ZBBX: variants seen among roughly 807,000 people sequenced by gnomAD.
The protein encoded by ZBBX is zinc finger B-box domain containing, also known as zinc finger B-box domain-containing protein 1.
ZBBX carries 101 observed loss-of-function variants against 108.5 expected under a neutral mutation model. That is an observed-to-expected ratio of 0.93 (90% CI 0.79 to 1.10). The LOEUF (loss-of-function observed/expected upper bound fraction) is 1.10, where lower values mean the gene tolerates loss of function less well. Ranked by LOEUF, ZBBX falls within the 50% of genes least tolerant of loss-of-function variation. The probability of loss-of-function intolerance (pLI) is 0.00; values close to 1 mark genes in which losing one functional copy is unlikely to be tolerated. For missense variants in ZBBX, 1,009 were observed against 941.4 expected, an observed-to-expected ratio of 1.07 and a Z score of -0.94; for synonymous variants, 356 against 323.4, an observed-to-expected ratio of 1.10 and a Z score of -1.08.
intron 1 of ZBBX, among the ~76,000 whole-genome samples, chr3:167,395,676 A>C (rs950192303): frequency 1.3e-5 from 2 of 152,016 alleles, no homozygotes; most frequent in African/African-American, 2.4e-5. Flanking sequence ...ATGCATTCTC[A>C]CTTCCAAGTC....
chr3:167,308,506 T>C (rs1057017650), intron 16 of ZBBX, among the ~76,000 whole-genome samples: 4 of 152,132 alleles, frequency 2.6e-5, no homozygotes, highest in African/African-American at 4.8e-5. Context: ...GATACATGTA[T>C]ATGTATGCTC....
intron 16 of ZBBX, among the ~76,000 whole-genome samples, chr3:167,310,659 A>G (rs1357845261): frequency 2.6e-5 from 4 of 152,138 alleles, no homozygotes; most frequent in Non-Finnish European, 4.4e-5. Context: ...TCATGAGAAC[A>G]ACATGGAGGA....
chr3:167,378,304 G>A (rs1173189145), intron 2 of ZBBX, among the ~76,000 whole-genome samples: 1 of 152,088 alleles, frequency 6.6e-6, no homozygotes, highest in African/African-American at 2.4e-5. Flanking sequence ...ATGCTCTATA[G>A]GCAGGTTCTC....
the ZBBX span, among the ~76,000 whole-genome samples, chr3:167,180,269 C>T: frequency 0.013 from 2,030 of 152,282 alleles, 22 homozygotes; most frequent in South Asian, 0.026. Flanking sequence ...AGACTAGGAT[C>T]TCCTCTAAGG....
chr3:167,279,036 G>A (rs544921002), intron 20 of ZBBX, among the ~76,000 whole-genome samples: 21 of 152,012 alleles, frequency 1.4e-4, no homozygotes, highest in African/African-American at 4.8e-4. Context: ...AAAAGCCTTT[G>A]ACAAAATCCA....
At chr3:167,370,049 G>A (rs1356305235) in intron 4 of ZBBX, among the ~76,000 whole-genome samples, 1 of 152,148 alleles carries the variant, frequency 6.6e-6, no homozygotes, top group Admixed American at 6.6e-5. Context: ...TGAACAATGA[G>A]GATCATTAAA....
chr3:167,201,767 A>G, the ZBBX span, among the ~76,000 whole-genome samples: 4 of 152,118 alleles, frequency 2.6e-5, no homozygotes, highest in Admixed American at 6.6e-5. Context: ...AGAAAAAGCT[A>G]TTCCTCAAAA....
intron 9 of ZBBX, among the ~76,000 whole-genome samples, chr3:167,343,429 T>C (rs1269125362): frequency 6.6e-6 from 1 of 151,828 alleles, no homozygotes. Context: ...TAATTTCCAT[T>C]CTCCCTACCC....
intron 18 of ZBBX, among the ~76,000 whole-genome samples, chr3:167,297,469 G>C (rs1028232902): frequency 6.6e-6 from 1 of 151,896 alleles, no homozygotes; most frequent in Non-Finnish European, 1.5e-5. Flanking sequence ...ATTGGCTTTG[G>C]AAATGAATTC....
the ZBBX span, among the ~76,000 whole-genome samples, chr3:167,195,710 C>T: frequency 9.3e-4 from 142 of 152,216 alleles, no homozygotes; most frequent in African/African-American, 3.3e-3. Flanking sequence ...TTGAAGCCAA[C>T]GGTAGCCTTT....
intron 17 of ZBBX, among the ~76,000 whole-genome samples, chr3:167,303,386 A>G (rs1392158881): frequency 6.6e-6 from 1 of 152,314 alleles, no homozygotes; most frequent in Middle Eastern, 3.4e-3. Flanking sequence ...GTTATGGTAC[A>G]TATTATCCTC....
chr3:167,242,571 C>T lies in ZBBX; in HGVS notation c.2327G>A (p.Ser776Asn), dbSNP rs370917356. 37 of 1,613,604 alleles carry T rather than the reference C, an allele frequency of 2.3e-5. No homozygotes were observed. Among genetic ancestry groups the T allele is most frequent in the Non-Finnish European group, 3.0e-5 (35 of 1,179,826 alleles). The change falls in exon 21 of 22, where the codon AGT becomes AAT. Residue 776 changes from serine to asparagine, a missense_variant. By Grantham distance (46) the Ser-to-Asn change is conservative. Coordinates refer to ENST00000675490, the MANE Select transcript of ZBBX (RefSeq NM_001199201.2). ...CTTAAGGAAATCTGTGGAAATCTGA[C>T]TTATATTCAGTGATTGGCTGCTGAA... ...PDFSSQSLNI[S>N]QISTDFLKTS...
chr3:167,360,564 T>C, intron 7 of ZBBX, 111 bp downstream of exon 7: 2 of 576,918 alleles, frequency 3.5e-6, no homozygotes, highest in Non-Finnish European at 5.3e-6. Flanking sequence ...TTTGGGGGTT[T>C]AGAATCTTTA....
intron 1 of ZBBX, among the ~76,000 whole-genome samples, chr3:167,405,614 G>T (rs1748557087): frequency 6.6e-6 from 1 of 152,160 alleles, no homozygotes; most frequent in Non-Finnish European, 1.5e-5. Flanking sequence ...GAAAAACTTA[G>T]TATAGGTTAT....
chr3:167,217,392 A>G, the ZBBX span, among the ~76,000 whole-genome samples: 1 of 152,240 alleles, frequency 6.6e-6, no homozygotes, highest in Non-Finnish European at 1.5e-5. Context: ...TCATTAGAGA[A>G]ATGCAAATCA....
intron 18 of ZBBX, among the ~76,000 whole-genome samples, chr3:167,291,089 C>A (rs887523815): frequency 6.6e-6 from 1 of 151,988 alleles, no homozygotes; most frequent in African/African-American, 2.4e-5. Flanking sequence ...TATTGGTGTA[C>A]CTCAAAGTGA....
At chr3:167,338,051 A>C (rs1739875634) in intron 9 of ZBBX, among the ~76,000 whole-genome samples, 1 of 152,144 alleles carries the variant, frequency 6.6e-6, no homozygotes, top group African/African-American at 2.4e-5. Flanking sequence ...TTTTAAAATC[A>C]AACCAAAACA....
chr3:167,264,125 G>A (rs1199460227), intron 20 of ZBBX, among the ~76,000 whole-genome samples: 1 of 152,076 alleles, frequency 6.6e-6, no homozygotes, highest in East Asian at 1.9e-4. Context: ...GTTTCTTATA[G>A]GCAACACATC....
At chr3:167,387,644 G>C (rs182146811) in intron 1 of ZBBX, among the ~76,000 whole-genome samples, 2 of 152,132 alleles carry the variant, frequency 1.3e-5, no homozygotes, top group East Asian at 3.9e-4. Flanking sequence ...CGTGGAGAAA[G>C]AGAGAAGAGG....
Sources: gnomAD v4.1 joint callset for allele counts (sites outside exome capture counted in the v4.1 genomes callset) on GRCh38, gnomAD v4.1.1 for gene constraint, MANE v1.5 for transcripts, NCBI Gene and HGNC (gene_info 2026-07-23, HGNC 2026-07-21) for gene names.